Variants in KLF8 observed in about 807,000 individuals in gnomAD.
KLF8 encodes Krueppel-like factor 8.
KLF8 carries 10 observed loss-of-function variants against 18.2 expected under a neutral mutation model. That is an observed-to-expected ratio of 0.55 (90% CI 0.34 to 0.93). The LOEUF (loss-of-function observed/expected upper bound fraction) is 0.93, where lower values mean the gene tolerates loss of function less well. Ranked by LOEUF, KLF8 falls within the 40% of genes least tolerant of loss-of-function variation. KLF8 has a pLI of 0.02. For missense variants in KLF8, 264 were observed against 277.9 expected (o/e 0.95, Z 0.36); for synonymous variants, 109 against 97.3 (o/e 1.12, Z -0.71).
At chrX:56,097,079 C>A in the KLF8 span, among the ~76,000 whole-genome samples, 1 of 111,215 alleles carries the variant, frequency 9.0e-6, no homozygotes, top group African/African-American at 3.3e-5. Flanking sequence ...TCAGGTTCAA[C>A]CATGTACAAA....
At chrX:55,960,290 G>T in the KLF8 span, among the ~76,000 whole-genome samples, 111 of 112,094 alleles carry the variant, frequency 9.9e-4, no homozygotes, top group African/African-American at 3.5e-3. Flanking sequence ...GCTGAGGTGG[G>T]TGGATCACCT....
At chrX:56,132,709 G>T in the KLF8 span, among the ~76,000 whole-genome samples, 1 of 111,295 alleles carries the variant, frequency 9.0e-6, no homozygotes, top group African/African-American at 3.3e-5. Context: ...AAATACAAAA[G>T]ATAAATGAAA....
intron 2 of KLF8, among the ~76,000 whole-genome samples, chrX:56,255,425 T>C (rs1451965160): frequency 1.8e-5 from 2 of 112,464 alleles, no homozygotes; most frequent in Admixed American, 1.9e-4. Context: ...CTGATGGCTC[T>C]AGCCAGGACT....
At chrX:56,148,271 G>A in the KLF8 span, among the ~76,000 whole-genome samples, 3 of 110,631 alleles carry the variant, frequency 2.7e-5, no homozygotes, top group African/African-American at 9.9e-5. Flanking sequence ...TTAAAATTAG[G>A]CCCTAATTCT....
the KLF8 span, among the ~76,000 whole-genome samples, chrX:56,010,108 G>A: frequency 9.0e-6 from 1 of 111,369 alleles, no homozygotes; most frequent in Non-Finnish European, 1.9e-5. Flanking sequence ...GAAACACGGA[G>A]AACCTCAGTA....
the KLF8 span, among the ~76,000 whole-genome samples, chrX:56,219,829 G>A: frequency 1.8e-5 from 2 of 111,996 alleles, no homozygotes; most frequent in African/African-American, 6.5e-5. Flanking sequence ...TCCAGCCTGG[G>A]CAACACAGCC....
the KLF8 span, among the ~76,000 whole-genome samples, chrX:56,202,559 T>TCCCCCCCCCCCTCC: frequency 1.3e-5 from 1 of 75,806 alleles, no homozygotes; most frequent in Admixed American, 1.4e-4. Flanking sequence ...CCATTAACCT[T>TCCCCCCCCCCCTCC]CCCCCCCCCT....
At chrX:56,217,285 G>A in the KLF8 span, among the ~76,000 whole-genome samples, 4 of 111,644 alleles carry the variant, frequency 3.6e-5, no homozygotes, top group Non-Finnish European at 7.5e-5. Context: ...TGGTAAAAGG[G>A]CTCATTATTG....
At chrX:56,177,320 A>C in the KLF8 span, among the ~76,000 whole-genome samples, 1 of 111,255 alleles carries the variant, frequency 9.0e-6, no homozygotes, top group Non-Finnish European at 1.9e-5. Context: ...TATTTCTAAC[A>C]GTCAGGACCC....
chrX:56,288,880 C>T lies in KLF8; in HGVS notation c.*4386C>T, dbSNP rs1392530625. On this transcript the variant is annotated 3_prime_UTR_variant, in exon 6 of 6. Coordinates refer to ENST00000468660, the MANE Select transcript of KLF8 (RefSeq NM_007250.5). The stretch of plus-strand genomic sequence containing the variant: ...ACATGACTCATCACTGTTGTTTAAC[C>T]TTGATCACCTGGCTGAAATAGTTGT... Among the ~76,000 whole-genome samples, 1 of 111,784 alleles carries T rather than the reference C, an allele frequency of 8.9e-6. No individual in the cohort carries two copies. Among genetic ancestry groups the T allele is most frequent in the East Asian group, 2.8e-4 (1 of 3,555 alleles).
the KLF8 span, among the ~76,000 whole-genome samples, chrX:56,123,026 C>G: frequency 1.8e-5 from 2 of 110,793 alleles, no homozygotes; most frequent in Non-Finnish European, 3.8e-5. Context: ...AAGACACACA[C>G]ACACACAATA....
chrX:56,016,887 T>A, the KLF8 span, among the ~76,000 whole-genome samples: 2 of 112,247 alleles, frequency 1.8e-5, no homozygotes, highest in South Asian at 7.4e-4. Context: ...TTTTTATAGT[T>A]TTTATACAAA....
chrX:56,064,173 G>T, the KLF8 span, among the ~76,000 whole-genome samples: 2 of 104,934 alleles, frequency 1.9e-5, no homozygotes, highest in Non-Finnish European at 3.8e-5. Context: ...ATATATATAT[G>T]CAGGATGCAG....
At chrX:56,176,709 G>T in the KLF8 span, among the ~76,000 whole-genome samples, 3 of 111,136 alleles carry the variant, frequency 2.7e-5, no homozygotes, top group Non-Finnish European at 3.8e-5. Context: ...TTCCAACTTG[G>T]TTCCATTCTC....
chrX:56,145,236 G>A, the KLF8 span, among the ~76,000 whole-genome samples: 1 of 111,946 alleles, frequency 8.9e-6, no homozygotes, highest in Admixed American at 9.5e-5. Context: ...ACATCACTAG[G>A]CATTAAGGAA....
chrX:56,123,035 T>C, the KLF8 span, among the ~76,000 whole-genome samples: 1 of 110,338 alleles, frequency 9.1e-6, no homozygotes, highest in African/African-American at 3.3e-5. Flanking sequence ...ACACACACAA[T>C]AAGTGGGTGG....
At chrX:56,180,649 G>T in the KLF8 span, among the ~76,000 whole-genome samples, 1 of 110,652 alleles carries the variant, frequency 9.0e-6, no homozygotes, top group Admixed American at 9.7e-5. Flanking sequence ...CCCCGAGATT[G>T]TGGTATGTTG....
At chrX:55,989,527 C>G in the KLF8 span, among the ~76,000 whole-genome samples, 1 of 112,324 alleles carries the variant, frequency 8.9e-6, no homozygotes, top group Non-Finnish European at 1.9e-5. Context: ...ATATGTTGAA[C>G]CAGCCTTGCA....
At chrX:56,007,676 G>A in the KLF8 span, among the ~76,000 whole-genome samples, 7 of 111,201 alleles carry the variant, frequency 6.3e-5, no homozygotes, top group South Asian at 7.6e-4. Context: ...GTACTTCTCC[G>A]TGGATGAGTT....
Sources: allele counts gnomAD v4.1 joint callset (sites outside exome capture counted in the v4.1 genomes callset), GRCh38; gene constraint gnomAD v4.1.1; transcripts MANE v1.5; gene names NCBI Gene and HGNC (gene_info 2026-07-23, HGNC 2026-07-21).